The following SRBD1 variants were observed in gnomAD, a reference collection of about 807,000 sequenced individuals.
SRBD1 encodes the protein S1 RNA-binding domain-containing protein 1.
A neutral mutation model predicts 115.3 loss-of-function variants in SRBD1; 88 were observed. The observed-to-expected ratio is 0.76, with a 90% CI of 0.64 to 0.91. The LOEUF (loss-of-function observed/expected upper bound fraction) is 0.91, where lower values mean the gene tolerates loss of function less well. Among genes scored for constraint, SRBD1 ranks in the 40% least tolerant of loss-of-function variants. The pLI is 0.00. For missense variants in SRBD1, 1,385 were observed against 1,177.4 expected (o/e 1.18, Z -2.58); for synonymous variants, 509 against 407.7 (o/e 1.25, Z -2.99).
intron 2 of SRBD1, among the ~76,000 whole-genome samples, chr2:45,604,137 T>A (rs1674188252): frequency 6.6e-6 from 1 of 152,048 alleles, no homozygotes; most frequent in African/African-American, 2.4e-5. Flanking sequence ...ATAATCTCCT[T>A]AACTCATTTC....
At chr2:45,487,053 G>T (rs556846739) in intron 15 of SRBD1, among the ~76,000 whole-genome samples, 44 of 152,246 alleles carry the variant, frequency 2.9e-4, no homozygotes, top group African/African-American at 9.6e-4. Context: ...GATTTAAGAA[G>T]ATGATCATTT....
chr2:45,421,882 A>T (rs933187606), intron 16 of SRBD1, among the ~76,000 whole-genome samples: 2 of 152,150 alleles, frequency 1.3e-5, no homozygotes, highest in African/African-American at 4.8e-5. Flanking sequence ...ATGTCATTTT[A>T]AAAATCTAAT....
At chr2:45,544,416 C>T (rs1672044145) in intron 14 of SRBD1, among the ~76,000 whole-genome samples, 1 of 152,042 alleles carries the variant, frequency 6.6e-6, no homozygotes, top group Non-Finnish European at 1.5e-5. Flanking sequence ...GATGAAGATG[C>T]TAAAGCTAAA....
Position 45,567,049 on chromosome 2 carries a change from C to T in SRBD1, c.1306-4293G>A, listed in dbSNP as rs954785386. 1.1e-4 allele frequency among the ~76,000 whole-genome samples: 16 copies of T among 152,256 alleles called. 1 individual carries two copies. In the East Asian group the frequency reaches 3.1e-3, roughly 29 times the overall value. ...GACTTCCTATCTGTGGTGAAACAAG[C>T]TTAGAATAATTCAACTTAATATTAC... is the stretch of plus-strand genomic sequence containing the variant. On this transcript the variant is annotated intron_variant, in intron 9 of 20. Coordinates refer to ENST00000263736, the MANE Select transcript of SRBD1 (RefSeq NM_018079.5).
intron 15 of SRBD1, among the ~76,000 whole-genome samples, chr2:45,485,871 T>C (rs966542981): frequency 3.3e-5 from 5 of 152,290 alleles, no homozygotes; most frequent in African/African-American, 1.2e-4. Flanking sequence ...AAGTGGACTC[T>C]GGAAAACCAA....
intron 9 of SRBD1, among the ~76,000 whole-genome samples, chr2:45,564,430 G>GCCT (rs1226990868): frequency 5.9e-5 from 9 of 152,126 alleles, no homozygotes; most frequent in Non-Finnish European, 2.9e-5. Flanking sequence ...AAGAAGGGAG[G>GCCT]CCATCTATAT....
chr2:45,448,115 G>C (rs900365842), intron 16 of SRBD1: 6 of 152,096 alleles, frequency 3.9e-5, no homozygotes, highest in Admixed American at 3.9e-4. Context: ...AAGACTTCCA[G>C]AGATGCTAAA....
intron 4 of SRBD1, among the ~76,000 whole-genome samples, chr2:45,589,916 A>G (rs1219398848): frequency 2.6e-5 from 4 of 152,242 alleles, no homozygotes; most frequent in Non-Finnish European, 4.4e-5. Flanking sequence ...GTCAACATAC[A>G]GTATGGTTCA....
At chr2:45,528,248 A>T (rs1572737393) in intron 14 of SRBD1, among the ~76,000 whole-genome samples, 1 of 151,894 alleles carries the variant, frequency 6.6e-6, no homozygotes, top group East Asian at 1.9e-4. Context: ...TTGGGTTAAG[A>T]AGCGAGTATC....
chr2:45,525,239 G>A (rs1272893004), intron 14 of SRBD1, among the ~76,000 whole-genome samples: 2 of 152,088 alleles, frequency 1.3e-5, no homozygotes, highest in African/African-American at 2.4e-5. Context: ...TTGGCAAAGT[G>A]TTCTTACATA....
chr2:45,488,568 G>T (rs1275849461), intron 14 of SRBD1, among the ~76,000 whole-genome samples: 1 of 152,014 alleles, frequency 6.6e-6, no homozygotes, highest in Admixed American at 6.5e-5. Context: ...TTCAATCAGA[G>T]AAATCAGTTG....
chr2:45,456,629 C>T (rs1669162421), intron 16 of SRBD1, among the ~76,000 whole-genome samples: 1 of 151,828 alleles, frequency 6.6e-6, no homozygotes, highest in African/African-American at 2.4e-5. Context: ...ATAACAACAA[C>T]ACTTATTTTA....
intron 16 of SRBD1, among the ~76,000 whole-genome samples, chr2:45,421,188 T>C: frequency 6.6e-6 from 1 of 152,112 alleles, no homozygotes; most frequent in East Asian, 1.9e-4. Context: ...AAATGTAAGC[T>C]GCATTCTGAT....
At chr2:45,440,172 A>C (rs865911823) in intron 16 of SRBD1, among the ~76,000 whole-genome samples, 12 of 152,192 alleles carry the variant, frequency 7.9e-5, no homozygotes, top group African/African-American at 2.9e-4. Flanking sequence ...CCTGCCTTTA[A>C]AAGTTTCTGG....
intron 14 of SRBD1, among the ~76,000 whole-genome samples, chr2:45,497,117 G>A (rs1057124403): frequency 1.3e-5 from 2 of 152,140 alleles, no homozygotes; most frequent in African/African-American, 2.4e-5. Flanking sequence ...ATATTTAGGA[G>A]ACATAATTCC....
At chr2:45,401,354 T>C (rs1667287592) in intron 19 of SRBD1, among the ~76,000 whole-genome samples, 1 of 152,220 alleles carries the variant, frequency 6.6e-6, no homozygotes, top group East Asian at 1.9e-4. Flanking sequence ...CTCTCTTTTA[T>C]GATGCTATGT....
intron 14 of SRBD1, among the ~76,000 whole-genome samples, chr2:45,537,597 A>C (rs1671804142): frequency 6.6e-6 from 1 of 152,190 alleles, no homozygotes; most frequent in African/African-American, 2.4e-5. Flanking sequence ...GCAATCATTC[A>C]TCTGTGTCCT....
In SRBD1 at chr2:45,547,479, G is replaced by T; in HGVS notation, c.1766+43C>A. On this transcript the variant is annotated intron_variant, in intron 13 of 20. Transcript: ENST00000263736. The stretch of plus-strand genomic sequence containing the variant: ...AGGGGCTTCAAAGGTATCTCTGGTT[G>T]ACTGAGCCACTGATATATTCAAAAG... 1.9e-6 allele frequency: 3 copies of T among 1,551,428 alleles called. No homozygotes were observed. The South Asian group carries it at 3.4e-5, about 18-fold the overall frequency.
intron 14 of SRBD1, among the ~76,000 whole-genome samples, chr2:45,544,780 G>A (rs1177673888): frequency 6.6e-6 from 1 of 151,952 alleles, no homozygotes. Flanking sequence ...TATAATAAAA[G>A]TACGTATATA....
Sources: allele counts gnomAD v4.1 joint callset (sites outside exome capture counted in the v4.1 genomes callset), GRCh38; gene constraint gnomAD v4.1.1; transcripts MANE v1.5; gene names NCBI Gene and HGNC (gene_info 2026-07-23, HGNC 2026-07-21).